Variants in THSD4 observed in about 807,000 individuals in gnomAD.
THSD4 encodes thrombospondin type 1 domain containing 4, also known as thrombospondin type-1 domain-containing protein 4.
In THSD4, 69 loss-of-function variants were observed where a neutral mutation model predicts 119.0. The ratio of observed to expected loss-of-function variants is 0.58; its 90% CI spans 0.48 to 0.71. The LOEUF (loss-of-function observed/expected upper bound fraction) is 0.71. THSD4 is among the 30% of genes least tolerant of loss of function. The probability of loss-of-function intolerance (pLI) is 0.00; values close to 1 mark genes in which losing one functional copy is unlikely to be tolerated. For missense variants in THSD4, 1,393 were observed against 1,391.1 expected (o/e 1.00, Z -0.02); for synonymous variants, 524 against 540.4 (o/e 0.97, Z 0.42).
intron 7 of THSD4, among the ~76,000 whole-genome samples, chr15:71,487,715 A>C (rs1018375558): frequency 2.0e-5 from 3 of 152,232 alleles, no homozygotes; most frequent in African/African-American, 4.8e-5. Context: ...AAATATTTTT[A>C]AATTTTTCTA....
chr15:71,481,418 G>A (rs1246820956), intron 7 of THSD4, among the ~76,000 whole-genome samples: 1 of 152,192 alleles, frequency 6.6e-6, no homozygotes, highest in Non-Finnish European at 1.5e-5. Flanking sequence ...AGACATAAAA[G>A]TTTGAAAATA....
At chr15:71,670,723 C>A (rs561115621) in intron 8 of THSD4, among the ~76,000 whole-genome samples, 4 of 151,788 alleles carry the variant, frequency 2.6e-5, no homozygotes, top group East Asian at 3.9e-4. Flanking sequence ...TCATTTCCCC[C>A]CTATGAGTGA....
At chr15:71,185,560 A>T (rs1477083768) in intron 3 of THSD4, 1 of 151,854 alleles carries the variant, frequency 6.6e-6, no homozygotes, top group East Asian at 1.9e-4. Flanking sequence ...AGAGAAAATG[A>T]AGGCCATAAA....
At chr15:71,404,375 G>A (rs995731845) in intron 6 of THSD4, among the ~76,000 whole-genome samples, 2 of 152,138 alleles carry the variant, frequency 1.3e-5, no homozygotes, top group South Asian at 4.2e-4. Flanking sequence ...CTTTTACTTA[G>A]CATAATGTTT....
chr15:71,746,340 A>G lies in THSD4; in HGVS notation c.2037-498A>G, dbSNP rs72744665. Among the ~76,000 whole-genome samples the G allele has an allele frequency of 8.5e-3, 1,291 of 152,298 alleles. 13 individuals carry two copies. The highest frequency in any genetic ancestry group is 0.017 in the Middle Eastern group (5 of 294). On this transcript the variant is annotated intron_variant, in intron 12 of 17. Transcript: ENST00000261862. The stretch of plus-strand genomic sequence containing the variant: ...GTAAATAGCATGTCAAGTGTCAGGC[A>G]AATTTATCTGCCTTTACAGAGTCAG...
At chr15:71,402,406 T>C (rs1457105102) in intron 6 of THSD4, among the ~76,000 whole-genome samples, 1 of 152,158 alleles carries the variant, frequency 6.6e-6, no homozygotes, top group Non-Finnish European at 1.5e-5. Flanking sequence ...ACTGGAGCCA[T>C]GTGATATACT....
In THSD4 at chr15:71,360,812, G is replaced by A. The variant is rs72761528; in HGVS notation, c.1016-50875G>A. ...TTTCAGGTCAGTCAGCACTGAAGGT[G>A]CCTTCCTTGAGCCAGAAGCATAAAC... On this transcript the variant is annotated intron_variant, in intron 6 of 17. Coordinates refer to ENST00000261862, the MANE Select transcript of THSD4 (RefSeq NM_024817.3). Among the ~76,000 whole-genome samples the A allele has an allele frequency of 6.1e-3, 926 of 152,310 alleles. 9 individuals are homozygous for A. The highest frequency in any genetic ancestry group is 0.044 in the Middle Eastern group (13 of 294).
In THSD4 at chr15:71,498,782, C is replaced by G. The variant is rs1328732337; in HGVS notation, c.1152+86959C>G. ...ATGATCATGGCTCACAGCAGCCTCA[C>G]CCTCCTGGGCTCAAACAATCCTCCT... On this transcript the variant is annotated intron_variant, in intron 7 of 17. Transcript: ENST00000261862. 1.3e-5 allele frequency among the ~76,000 whole-genome samples: 2 copies of G among 152,032 alleles called. 1 individual carries two copies. The highest frequency in any genetic ancestry group is 4.8e-5 in the African/African-American group (2 of 41,394).
chr15:71,286,764 C>A (rs905750534), intron 6 of THSD4, among the ~76,000 whole-genome samples: 1 of 152,186 alleles, frequency 6.6e-6, no homozygotes, highest in African/African-American at 2.4e-5. Context: ...TTTACACTCC[C>A]ACCAACAGTG....
At chr15:71,111,918 T>TA (rs1355279848), upstream of THSD4, 7 of 566,430 alleles carry the variant, frequency 1.2e-5, no homozygotes, top group African/African-American at 1.9e-5. Context: ...CCACGTCAAA[T>TA]ACATTTGGGA....
chr15:71,312,873 C>A (rs2045131795), intron 6 of THSD4, among the ~76,000 whole-genome samples: 1 of 152,124 alleles, frequency 6.6e-6, no homozygotes, highest in African/African-American at 2.4e-5. Flanking sequence ...TCCCTCCCTG[C>A]AAGAGACCTT....
At chr15:71,534,194 C>G (rs2048657013) in intron 7 of THSD4, among the ~76,000 whole-genome samples, 1 of 152,190 alleles carries the variant, frequency 6.6e-6, no homozygotes, top group African/African-American at 2.4e-5. Flanking sequence ...AAGCAATCCT[C>G]CCACCTCAGC....
chr15:71,225,539 CTTTTTTTTTTTCTTT>C (rs899480626), intron 4 of THSD4, among the ~76,000 whole-genome samples: 2,041 of 105,376 alleles, frequency 0.019, 59 homozygotes, highest in African/African-American at 0.066. Context: ...TTTTCTTTTT[CTTTTTTTTTTTCTTT>C]TTTTTTTTTT....
At chr15:71,558,861 G>T (rs1161651263) in intron 7 of THSD4, among the ~76,000 whole-genome samples, 1 of 152,074 alleles carries the variant, frequency 6.6e-6, no homozygotes, top group Non-Finnish European at 1.5e-5. Flanking sequence ...GAGGGTTTCG[G>T]TGTTTTTTTA....
intron 7 of THSD4, among the ~76,000 whole-genome samples, chr15:71,424,430 C>T (rs183141546): frequency 8.5e-5 from 13 of 152,148 alleles, no homozygotes; most frequent in South Asian, 2.1e-4. Flanking sequence ...GTCTAAATGT[C>T]GGCTTCGGGC....
chr15:71,245,967 C>T (rs2044196161), intron 5 of THSD4, among the ~76,000 whole-genome samples: 1 of 152,178 alleles, frequency 6.6e-6, no homozygotes, highest in Non-Finnish European at 1.5e-5. Context: ...AGCATCTCAG[C>T]ATCAATGACC....
intron 7 of THSD4, among the ~76,000 whole-genome samples, chr15:71,479,643 G>C (rs1389406204): frequency 6.6e-6 from 1 of 152,008 alleles, no homozygotes; most frequent in Non-Finnish European, 1.5e-5. Context: ...ATGTTGATGG[G>C]GATTTGGTTT....
chr15:71,260,592 G>A (rs868380332), intron 6 of THSD4, among the ~76,000 whole-genome samples: 9 of 152,166 alleles, frequency 5.9e-5, no homozygotes, highest in African/African-American at 1.7e-4. Context: ...ACTGGGAAAT[G>A]CAAGAGGTGG....
At chr15:71,612,150 G>A (rs2050242593) in intron 7 of THSD4, among the ~76,000 whole-genome samples, 1 of 152,224 alleles carries the variant, frequency 6.6e-6, no homozygotes, top group African/African-American at 2.4e-5. Context: ...TGTGTGGTCA[G>A]GGAGGGGCCA....
Sources: allele counts gnomAD v4.1 joint callset (sites outside exome capture counted in the v4.1 genomes callset), GRCh38; gene constraint gnomAD v4.1.1; transcripts MANE v1.5; gene names NCBI Gene and HGNC (gene_info 2026-07-23, HGNC 2026-07-21).